NAF1: variants seen among roughly 807,000 people sequenced by gnomAD.
NAF1 encodes H/ACA ribonucleoprotein complex non-core subunit NAF1.
Under a neutral mutation model 40.6 loss-of-function variants are expected in NAF1, and 11 were observed. The observed-to-expected ratio is 0.27, with a 90% CI of 0.17 to 0.45. The LOEUF (loss-of-function observed/expected upper bound fraction) is 0.45. Among genes scored for constraint, NAF1 ranks in the 20% least tolerant of loss-of-function variants. The pLI, the probability that NAF1 is intolerant of heterozygous loss-of-function variation, is 1.00. For missense variants in NAF1, 607 were observed against 611.1 expected (o/e 0.99, Z 0.07); for synonymous variants, 260 against 228.5 (o/e 1.14, Z -1.24).
chr4:163,136,884 A>T (rs1477127512), intron 6 of NAF1, among the ~76,000 whole-genome samples: 1 of 152,236 alleles, frequency 6.6e-6, no homozygotes, highest in Non-Finnish European at 1.5e-5. Flanking sequence ...AAATAATGAC[A>T]GCCTGCCTTT....
chr4:163,110,327 G>A (rs765732608), intron 2 of NAF1: 2 of 695,178 alleles, frequency 2.9e-6, no homozygotes, highest in African/African-American at 3.5e-5. Flanking sequence ...TATTTTGAGA[G>A]AGAAAGAATA....
chr4:163,117,680 T>TACACACACACACACACACACACAC (rs55869899), intron 2 of NAF1, among the ~76,000 whole-genome samples: 7 of 134,926 alleles, frequency 5.2e-5, no homozygotes, highest in African/African-American at 1.7e-4. Context: ...CTGGAAGCAA[T>TACACACACACACACACACACACAC]ACACACACAC....
intron 2 of NAF1, among the ~76,000 whole-genome samples, chr4:163,118,450 A>C (rs1730416637): frequency 6.6e-6 from 1 of 152,210 alleles, no homozygotes; most frequent in African/African-American, 2.4e-5. Flanking sequence ...ACATTCACAG[A>C]CAGAAATAAA....
intron 4 of NAF1, among the ~76,000 whole-genome samples, chr4:163,141,152 G>C (rs975879306): frequency 2.0e-5 from 3 of 152,102 alleles, no homozygotes; most frequent in Admixed American, 1.3e-4. Flanking sequence ...ATCACCTGAG[G>C]TCAGGGGTTC....
downstream of NAF1, chr4:163,126,979 C>G (rs1192274347): frequency 6.5e-7 from 1 of 1,549,520 alleles, no homozygotes; most frequent in Admixed American, 2.0e-5. Context: ...AGACACAATG[C>G]TATTGCATAC....
At chr4:163,166,248 G>C in intron 1 of NAF1, 115 bp downstream of exon 1, 3 of 1,323,956 alleles carry the variant, frequency 2.3e-6, no homozygotes, top group Non-Finnish European at 1.0e-6. Flanking sequence ...GAGCACCAAC[G>C]ACCTGCCCAC....
intron 4 of NAF1, among the ~76,000 whole-genome samples, chr4:163,142,797 G>T (rs1352047245): frequency 6.6e-6 from 1 of 152,196 alleles, no homozygotes; most frequent in East Asian, 1.9e-4. Flanking sequence ...GCCTCTGAGT[G>T]TAGAGTTTAG....
intron 2 of NAF1, chr4:163,119,535 G>T (rs896615363): frequency 1.3e-5 from 2 of 152,102 alleles, no homozygotes; most frequent in African/African-American, 4.8e-5. Flanking sequence ...CTAACCTAAT[G>T]CGAGAGATTT....
At chr4:163,113,369 CTT>C (rs1730222711) in intron 2 of NAF1, among the ~76,000 whole-genome samples, 2 of 149,052 alleles carry the variant, frequency 1.3e-5, no homozygotes, top group Admixed American at 6.6e-5. Flanking sequence ...ATGGTAATCC[CTT>C]GTTTTTATTT....
chr4:163,105,023 A>G, the NAF1 span, among the ~76,000 whole-genome samples: 1 of 152,226 alleles, frequency 6.6e-6, no homozygotes, highest in Non-Finnish European at 1.5e-5. Flanking sequence ...TCCTTTATTA[A>G]GTGTTATTCT....
At chr4:163,160,525 G>A (rs1173979496) in intron 2 of NAF1, among the ~76,000 whole-genome samples, 1 of 152,130 alleles carries the variant, frequency 6.6e-6, no homozygotes, top group Non-Finnish European at 1.5e-5. Flanking sequence ...TAGTTAGATC[G>A]CAGAGATCGA....
intron 3 of NAF1, among the ~76,000 whole-genome samples, chr4:163,146,707 G>C (rs1417663660): frequency 6.6e-6 from 1 of 152,188 alleles, no homozygotes; most frequent in African/African-American, 2.4e-5. Flanking sequence ...AGCACTCTGG[G>C]AGGCTGGCGA....
In NAF1 at chr4:163,129,501, T is replaced by C. The variant is rs1485000492; in HGVS notation, c.1034-153A>G. Among the ~76,000 whole-genome samples the C allele has an allele frequency of 2.6e-5, 4 of 152,160 alleles. No individual in the cohort carries two copies. In the East Asian group the frequency reaches 7.7e-4, roughly 29 times the overall value. ...ATAAAATGGTAAATTTGAAATGAAC[T>C]GAAAAGACAAAACTTAATGCCAAAG... On this transcript the variant is annotated intron_variant, in intron 7 of 7. Coordinates refer to ENST00000274054, the MANE Select transcript of NAF1 (RefSeq NM_138386.3).
chr4:163,108,185 C>T (rs1730080202), downstream of NAF1, among the ~76,000 whole-genome samples: 1 of 152,142 alleles, frequency 6.6e-6, no homozygotes, highest in South Asian at 2.1e-4. Context: ...TCACCTGGCC[C>T]TTGACCTTAA....
chr4:163,155,610 C>G (rs890760801), intron 2 of NAF1, among the ~76,000 whole-genome samples: 6 of 152,160 alleles, frequency 3.9e-5, no homozygotes, highest in African/African-American at 1.4e-4. Context: ...TGCATAGGTA[C>G]CTCTGGGTTG....
chr4:163,114,687 T>G (rs1306124580), intron 2 of NAF1, among the ~76,000 whole-genome samples: 2 of 152,198 alleles, frequency 1.3e-5, no homozygotes, highest in African/African-American at 2.4e-5. Context: ...TTTTTCTTCT[T>G]TATAATGTCC....
chr4:163,143,802 G>C (rs1731354091), intron 4 of NAF1, among the ~76,000 whole-genome samples: 1 of 152,182 alleles, frequency 6.6e-6, no homozygotes, highest in African/African-American at 2.4e-5. Flanking sequence ...GAAAGGAAAT[G>C]AGGAAATGAA....
chr4:163,127,244 C>T, downstream of NAF1: 2 of 1,288,714 alleles, frequency 1.6e-6, no homozygotes. Flanking sequence ...ATTCTCCTGC[C>T]TCAGCCTCCC....
At chr4:163,104,036 G>T in the NAF1 span, among the ~76,000 whole-genome samples, 2 of 151,590 alleles carry the variant, frequency 1.3e-5, no homozygotes, top group Admixed American at 1.3e-4. Flanking sequence ...ATTTGGGTGG[G>T]TAGTGGAAAA....
Sources: allele counts gnomAD v4.1 joint callset (sites outside exome capture counted in the v4.1 genomes callset), GRCh38; gene constraint gnomAD v4.1.1; transcripts MANE v1.5; gene names NCBI Gene and HGNC (gene_info 2026-07-23, HGNC 2026-07-21).